Variants in DHX29 observed in about 807,000 individuals in gnomAD.
DHX29 encodes DExH-box helicase 29.
DHX29 carries 79 observed loss-of-function variants against 167.9 expected under a neutral mutation model. The observed-to-expected ratio is 0.47, with a 90% CI of 0.39 to 0.57. The LOEUF (loss-of-function observed/expected upper bound fraction) is 0.57, where lower values mean the gene tolerates loss of function less well. DHX29 is among the 20% of genes least tolerant of loss of function. DHX29 has a pLI of 0.00. For synonymous variants in DHX29, 530 were observed against 546.0 expected, an observed-to-expected ratio of 0.97 and a Z score of 0.41; for missense variants, 1,347 against 1,593.4, an observed-to-expected ratio of 0.85 and a Z score of 2.63.
chr5:55,305,419 A>G (rs769267365), intron 1 of DHX29, among the ~76,000 whole-genome samples: 3 of 152,258 alleles, frequency 2.0e-5, no homozygotes, highest in Non-Finnish European at 4.4e-5. Context: ...GACTTGCTAT[A>G]GTTGAATAGA....
chr5:55,275,771 ATG>A (rs991899280), intron 14 of DHX29, among the ~76,000 whole-genome samples: 49 of 146,908 alleles, frequency 3.3e-4, no homozygotes, highest in African/African-American at 9.4e-4. Flanking sequence ...GTATGTATGT[ATG>A]TGTGTGTGTC....
chr5:55,295,444 G>C lies in DHX29; in HGVS notation c.586C>G (p.Gln196Glu). ...SRPKFQSPQI[Q>E]ATISPPLQPK... Reference sequence around the variant, plus strand: ...TGCAATGGAGGTGAAATAGTGGCTTGTATTTGAGGAGACTGAAATTTAGGC... The same window carrying C: ...TGCAATGGAGGTGAAATAGTGGCTTCTATTTGAGGAGACTGAAATTTAGGC... Residue 196 changes from glutamine to glutamate, a missense_variant, in exon 5 of 27, where the codon CAA (glutamine) becomes GAA (glutamate). By Grantham distance (29) the Gln-to-Glu change is conservative. Around this residue, in one of 3 missense-constraint regions of DHX29, gnomAD observed 405 missense variants for 416.8 expected, o/e 0.97. Transcript: ENST00000251636. The C allele has an allele frequency of 1.9e-6, 3 of 1,603,084 alleles. No individual in the cohort carries two copies. In the Admixed American group the frequency reaches 5.2e-5, roughly 28 times the overall value.
At chr5:55,307,247 C>A in intron 1 of DHX29, 140 bp downstream of exon 1, 1 of 718,316 alleles carries the variant, frequency 1.4e-6, no homozygotes, top group Non-Finnish European at 2.2e-6. Context: ...AACAAGGCCA[C>A]CCCATGGGGA....
chr5:55,268,113 ACAAT>A (rs1236760797), intron 21 of DHX29, among the ~76,000 whole-genome samples: 1 of 152,156 alleles, frequency 6.6e-6, no homozygotes, highest in African/African-American at 2.4e-5. Context: ...AATTATCACC[ACAAT>A]CAGAGAAAAA....
At position 55,269,461 on chromosome 5, in the gene DHX29, A is replaced by C; in HGVS notation, c.3246T>G (p.Ile1082Met). Reference protein sequence around the residue: ...HLAALPVNVKIGKMLIFGAIF... With the variant: ...HLAALPVNVKMGKMLIFGAIF... The stretch of plus-strand genomic sequence containing the variant: ...TGGCACCAAAAATAAGCATCTTGCC[A>C]ATCTTGACATTCACAGGTAAAGCTG... The change falls in exon 21 of 27, where the codon ATT (isoleucine) becomes ATG (methionine). Residue 1082 changes from isoleucine (I) to methionine (M), a missense_variant. Physicochemically the swap from Ile to Met is conservative, Grantham distance 10. Around this residue, in one of 3 missense-constraint regions of DHX29, gnomAD observed 882 missense variants for 1,082.4 expected, o/e 0.81. Coordinates refer to ENST00000251636, the MANE Select transcript of DHX29 (RefSeq NM_019030.4). 6.2e-7 allele frequency: 1 copy of C among 1,613,778 alleles called. No homozygotes were observed. Among genetic ancestry groups the C allele is most frequent in the Non-Finnish European group, 8.5e-7 (1 of 1,180,008 alleles).
chr5:55,279,849 G>A (rs1001313382), intron 12 of DHX29, among the ~76,000 whole-genome samples: 7 of 150,798 alleles, frequency 4.6e-5, no homozygotes, highest in African/African-American at 1.7e-4. Context: ...TGGCATTATA[G>A]GTGCAAGCCA....
At chr5:55,300,224 G>T (rs1216380438) in intron 1 of DHX29, among the ~76,000 whole-genome samples, 3 of 152,068 alleles carry the variant, frequency 2.0e-5, no homozygotes, top group African/African-American at 7.2e-5. Context: ...TTATCCAGCT[G>T]TGGTAGCACA....
At position 55,277,722 on chromosome 5, in the gene DHX29, A is replaced by G. The variant is rs1258645675; in HGVS notation, c.2110-440T>C. 2.6e-5 allele frequency among the ~76,000 whole-genome samples: 4 copies of G among 152,108 alleles called. No homozygotes were observed. In the East Asian group the frequency reaches 5.8e-4, roughly 22 times the overall value. The stretch of plus-strand genomic sequence containing the variant: ...GGAGTTTGAGACCAGCCTGGCCAAC[A>G]TGACGAAACCCTGTCTCTACTAAAA... On this transcript the variant is annotated intron_variant, in intron 12 of 26. Transcript: ENST00000251636.
At chr5:55,258,267 A>G (rs1000070002) in intron 26 of DHX29, among the ~76,000 whole-genome samples, 2 of 152,226 alleles carry the variant, frequency 1.3e-5, no homozygotes, top group Non-Finnish European at 2.9e-5. Context: ...ACCTCCAAAT[A>G]TAACTACCAG....
At position 55,298,615 on chromosome 5, in the gene DHX29, T is replaced by A; in HGVS notation, c.237A>T (p.Ala79=). 6.4e-7 allele frequency: 1 copy of A among 1,559,358 alleles called. No individual in the cohort carries two copies. The highest frequency in any genetic ancestry group is 8.8e-7 in the Non-Finnish European group (1 of 1,131,916). ...CTTTCAAAATAGATTTATCCAGATTTGCAGGACCACTAGAATCATTTGTAG... is the reference window on the plus strand; with the variant it reads ...CTTTCAAAATAGATTTATCCAGATTAGCAGGACCACTAGAATCATTTGTAG... ...FNSTNDSSGP[A]NLDKSILKVV... The change falls in exon 2 of 27, where the codon GCA becomes GCT. Residue 79 remains alanine, a synonymous_variant. Coordinates refer to ENST00000251636, the MANE Select transcript of DHX29 (RefSeq NM_019030.4).
chr5:55,270,312 T>C lies in DHX29; in HGVS notation c.3069+100A>G, dbSNP rs947529926. 9.7e-6 allele frequency: 13 copies of C among 1,335,692 alleles called. No individual in the cohort carries two copies. In the East Asian group the frequency reaches 3.3e-4, roughly 34 times the overall value. The allele number at this position is 1,335,692 out of a possible 1,614,324, so 82.7% of individuals were successfully genotyped here. On this transcript the variant is annotated intron_variant, in intron 20 of 26. Transcript: ENST00000251636. Reference sequence around the variant, plus strand: ...ATATATTAAAGAAGAGTAAAAAAGTTGAAAATCTAAAGCAATATAAGGTAA... The same window carrying C: ...ATATATTAAAGAAGAGTAAAAAAGTCGAAAATCTAAAGCAATATAAGGTAA...
intron 1 of DHX29, among the ~76,000 whole-genome samples, chr5:55,306,776 G>A (rs2111998701): frequency 6.6e-6 from 1 of 152,322 alleles, no homozygotes; most frequent in East Asian, 1.9e-4. Context: ...TATGTGGCCT[G>A]CTCATCTGCA....
In DHX29 at chr5:55,273,381, A is replaced by G; in HGVS notation, c.2691-4T>C. Reference sequence around the variant, plus strand: ...ATGCAGAGCTATCACTTTATATCTGAAAGTTAAAATCATAGTTCTTAGCAA... The same window carrying G: ...ATGCAGAGCTATCACTTTATATCTGGAAGTTAAAATCATAGTTCTTAGCAA... On this transcript the variant is annotated splice_region_variant and splice_polypyrimidine_tract_variant and intron_variant, in intron 16 of 26. Transcript: ENST00000251636. The G allele has an allele frequency of 6.4e-7, 1 of 1,561,218 alleles. No homozygotes were observed. The highest frequency in any genetic ancestry group is 8.7e-7 in the Non-Finnish European group (1 of 1,147,130).
intron 23 of DHX29, among the ~76,000 whole-genome samples, chr5:55,266,233 A>C (rs1579757086): frequency 6.7e-6 from 1 of 150,328 alleles, no homozygotes; most frequent in African/African-American, 2.5e-5. Context: ...TCCTGACCTC[A>C]TGATCCACCC....
chr5:55,267,585 A>T, intron 22 of DHX29, 101 bp downstream of exon 22: 1 of 1,069,550 alleles, frequency 9.3e-7, no homozygotes, highest in Non-Finnish European at 1.3e-6. Context: ...AAATAAATTT[A>T]AACCTCAGAA....
In DHX29 at chr5:55,267,773, A is replaced by G. The variant is rs747250997; in HGVS notation, c.3344T>C (p.Ile1115Thr). ...AAGATCTGCTTCATCTTTTCGACCA[A>G]TTGGTGTGGTAAAAGGAGACTTCTC... ...MTEKSPFTTP[I>T]GRKDEADLAK... The change falls in exon 22 of 27, where the codon ATT becomes ACT. Residue 1115 changes from isoleucine to threonine, a missense_variant. Transcript: ENST00000251636. 1.2e-6 allele frequency: 2 copies of G among 1,608,962 alleles called. No homozygotes were observed. The highest frequency in any genetic ancestry group is 2.2e-5 in the East Asian group (1 of 44,690).
chr5:55,269,807 G>A (rs903175950), intron 20 of DHX29, among the ~76,000 whole-genome samples, 170 bp from the exon 21 acceptor site: 1 of 151,730 alleles, frequency 6.6e-6, no homozygotes. Context: ...GAGGAGTTGG[G>A]GGGAAGAGTG....
At chr5:55,269,694 A>G (rs1746756231) in intron 20 of DHX29, 57 bp from the exon 21 acceptor site, 1 of 1,407,300 alleles carries the variant, frequency 7.1e-7, no homozygotes. Context: ...ACACTACCCA[A>G]TGAGATGTTA....
At chr5:55,260,868 T>C (rs2111780356) in intron 25 of DHX29, among the ~76,000 whole-genome samples, 1 of 152,358 alleles carries the variant, frequency 6.6e-6, no homozygotes, top group East Asian at 1.9e-4. Flanking sequence ...TTCAACAGTA[T>C]GAATTATAAA....
Sources: gnomAD v4.1 joint callset for allele counts (sites outside exome capture counted in the v4.1 genomes callset) on GRCh38, gnomAD v4.1.1 for gene constraint, gnomAD v4.1.1 regional missense constraint, MANE v1.5 for transcripts, NCBI Gene and HGNC (gene_info 2026-07-23, HGNC 2026-07-21) for gene names.